KCNH8: variants seen among roughly 807,000 people sequenced by gnomAD.
KCNH8 encodes the protein voltage-gated delayed rectifier potassium channel KCNH8.
A neutral mutation model predicts 103.6 loss-of-function variants in KCNH8; 70 were observed. That is an observed-to-expected ratio of 0.68 (90% CI 0.56 to 0.82). The LOEUF is 0.82. Ranked by LOEUF, KCNH8 falls within the 40% of genes least tolerant of loss-of-function variation. The pLI, the probability that KCNH8 is intolerant of heterozygous loss-of-function variation, is 0.00. For synonymous variants in KCNH8, 498 were observed against 489.4 expected (o/e 1.02, Z -0.23); for missense variants, 1,217 against 1,329.9 (o/e 0.92, Z 1.32).
intron 11 of KCNH8, among the ~76,000 whole-genome samples, chr3:19,469,024 A>G (rs1285459917): frequency 6.6e-6 from 1 of 152,218 alleles, no homozygotes; most frequent in African/African-American, 2.4e-5. Context: ...AAAATGATTT[A>G]TTGAATATTA....
intron 11 of KCNH8, among the ~76,000 whole-genome samples, chr3:19,505,030 T>C (rs1349838823): frequency 1.3e-5 from 2 of 150,726 alleles, no homozygotes. Flanking sequence ...TATGTATGTG[T>C]ATATATATAC....
chr3:19,503,744 C>T (rs534107814), intron 11 of KCNH8, among the ~76,000 whole-genome samples: 1 of 130,626 alleles, frequency 7.7e-6, no homozygotes, highest in South Asian at 2.3e-4. Context: ...CACATGGACA[C>T]AGGAAGGGGA....
At chr3:19,511,442 T>A (rs1251102499) in intron 12 of KCNH8, among the ~76,000 whole-genome samples, 1 of 152,198 alleles carries the variant, frequency 6.6e-6, no homozygotes, top group Admixed American at 6.5e-5. Context: ...AACAAAGGAA[T>A]GATTAACTTG....
At chr3:19,375,314 C>A (rs535794657) in intron 5 of KCNH8, among the ~76,000 whole-genome samples, 4 of 148,672 alleles carry the variant, frequency 2.7e-5, no homozygotes, top group Admixed American at 2.7e-4. Context: ...TGTTTTTATT[C>A]TTTTTTCTCT....
chr3:19,381,536 G>A (rs962265658), intron 5 of KCNH8, among the ~76,000 whole-genome samples: 9 of 152,030 alleles, frequency 5.9e-5, no homozygotes, highest in African/African-American at 2.2e-4. Context: ...TCCTGCAAAT[G>A]AGAAAAAATG....
At chr3:19,258,939 C>CTATATATA (rs1157867394) in intron 2 of KCNH8, among the ~76,000 whole-genome samples, 5 of 74,094 alleles carry the variant, frequency 6.7e-5, no homozygotes, top group Non-Finnish European at 1.1e-4. Flanking sequence ...CTCTCTCTCT[C>CTATATATA]TCTCTCTCTA....
chr3:19,149,353 T>A lies in KCNH8; in HGVS notation c.76+558T>A, dbSNP rs113616630. Reference sequence around the variant, plus strand: ...TTCCTGCTTTTGAGCTAGAATAGCGTATCTTTTAATCCTTAAATGAGCCTA... The same window carrying A: ...TTCCTGCTTTTGAGCTAGAATAGCGAATCTTTTAATCCTTAAATGAGCCTA... On this transcript the variant is annotated intron_variant, in intron 1 of 15. Transcript: ENST00000328405. Among the ~76,000 whole-genome samples, 175 of 152,298 alleles carry A rather than the reference T, an allele frequency of 1.1e-3. 1 individual carries two copies. Among genetic ancestry groups the A allele is most frequent in the African/African-American group, 3.6e-3 (151 of 41,568 alleles).
chr3:19,191,041 G>C (rs951011051), intron 1 of KCNH8, among the ~76,000 whole-genome samples: 8 of 151,742 alleles, frequency 5.3e-5, no homozygotes, highest in African/African-American at 1.9e-4. Context: ...ATTATTTTGA[G>C]GAATTAACTT....
chr3:19,514,071 C>G (rs903678941), intron 13 of KCNH8, among the ~76,000 whole-genome samples: 1 of 152,072 alleles, frequency 6.6e-6, no homozygotes, highest in African/African-American at 2.4e-5. Flanking sequence ...TTAATCTTCT[C>G]AGAACCCTAT....
intron 1 of KCNH8, among the ~76,000 whole-genome samples, chr3:19,163,430 C>T (rs1384232428): frequency 6.6e-6 from 1 of 151,802 alleles, no homozygotes; most frequent in Non-Finnish European, 1.5e-5. Flanking sequence ...CTTACTTTCA[C>T]TCTCAAAGCA....
In KCNH8 at chr3:19,289,293, C is replaced by T. The variant is rs373611074; in HGVS notation, c.442+7964C>T. ...TGCTTTTGGTGTTTTAGACATGAAG[C>T]CCTTGCCCATGCCTATGTCCTGAAT... On this transcript the variant is annotated intron_variant, in intron 3 of 15. Transcript: ENST00000328405. Among the ~76,000 whole-genome samples the T allele has an allele frequency of 1.7e-4, 26 of 151,722 alleles. No individual in the cohort carries two copies. In the East Asian group the frequency reaches 2.1e-3, roughly 12 times the overall value.
intron 9 of KCNH8, 142 bp downstream of exon 9, chr3:19,450,447 A>C: frequency 1.4e-6 from 1 of 692,174 alleles, no homozygotes; most frequent in Non-Finnish European, 2.5e-6. Flanking sequence ...ATGAATCCCA[A>C]TCCATCTTCT....
intron 1 of KCNH8, among the ~76,000 whole-genome samples, chr3:19,183,897 A>G (rs567216057): frequency 6.6e-6 from 1 of 152,280 alleles, no homozygotes; most frequent in African/African-American, 2.4e-5. Context: ...TCACATTTAT[A>G]TGGCCAGTGT....
At chr3:19,207,736 A>T (rs2063731449) in intron 1 of KCNH8, among the ~76,000 whole-genome samples, 1 of 152,018 alleles carries the variant, frequency 6.6e-6, no homozygotes, top group African/African-American at 2.4e-5. Context: ...GCAATGTGTA[A>T]TTGGACTCAT....
chr3:19,334,569 T>G (rs1274605189), intron 3 of KCNH8, among the ~76,000 whole-genome samples: 1 of 152,030 alleles, frequency 6.6e-6, no homozygotes, highest in African/African-American at 2.4e-5. Context: ...CACAGGCTTT[T>G]TTTTAATTGA....
chr3:19,496,658 T>C (rs2068447729), intron 11 of KCNH8, among the ~76,000 whole-genome samples: 1 of 152,174 alleles, frequency 6.6e-6, no homozygotes, highest in Non-Finnish European at 1.5e-5. Context: ...TTTTCTTTTT[T>C]TGTTGTGTCT....
chr3:19,419,786 C>G lies in KCNH8; in HGVS notation c.1178-18378C>G, dbSNP rs187643232. Among the ~76,000 whole-genome samples the G allele has an allele frequency of 3.4e-3, 522 of 151,812 alleles. 10 individuals are homozygous for G. Among genetic ancestry groups the G allele is most frequent in the Admixed American group, 0.027 (410 of 15,248 alleles). On this transcript the variant is annotated intron_variant, in intron 7 of 15. Coordinates refer to ENST00000328405, the MANE Select transcript of KCNH8 (RefSeq NM_144633.3). ...TCCTATCCTTTACACCAAACTCAAG[C>G]AGAAATGGGATACCAGAAGGTTCAG...
At position 19,377,263 on chromosome 3, in the gene KCNH8, G is replaced by C. The variant is rs532677873; in HGVS notation, c.812-13218G>C. 2.6e-3 allele frequency among the ~76,000 whole-genome samples: 394 copies of C among 152,318 alleles called. 4 individuals carry two copies. Among genetic ancestry groups the C allele is most frequent in the African/African-American group, 8.8e-3 (365 of 41,584 alleles). ...TTAGTTGCTGAAACACATTTCTGCT[G>C]TACAGGATCCACATCAGGATCCATC... On this transcript the variant is annotated intron_variant, in intron 5 of 15. Transcript: ENST00000328405.
chr3:19,485,593 C>CT (rs1158940925), intron 11 of KCNH8, among the ~76,000 whole-genome samples: 2 of 152,206 alleles, frequency 1.3e-5, no homozygotes, highest in African/African-American at 4.8e-5. Context: ...ATCTGGCAGT[C>CT]TGATCTATCC....
Sources: allele counts gnomAD v4.1 joint callset (sites outside exome capture counted in the v4.1 genomes callset), GRCh38; gene constraint gnomAD v4.1.1; transcripts MANE v1.5; gene names NCBI Gene and HGNC (gene_info 2026-07-23, HGNC 2026-07-21).